The following ZBBX variants were observed in gnomAD, a reference collection of about 807,000 sequenced individuals.
ZBBX encodes the protein zinc finger B-box domain-containing protein 1.
Under a neutral mutation model 108.5 loss-of-function variants are expected in ZBBX, and 101 were observed. The observed-to-expected ratio is 0.93, with a 90% CI of 0.79 to 1.10. ZBBX has a LOEUF of 1.10. ZBBX is among the 50% of genes least tolerant of loss of function. The probability of loss-of-function intolerance (pLI) is 0.00; values close to 1 mark genes in which losing one functional copy is unlikely to be tolerated. For missense variants in ZBBX, 1,009 were observed against 941.4 expected (o/e 1.07, Z -0.94); for synonymous variants, 356 against 323.4 (o/e 1.10, Z -1.08).
the ZBBX span, among the ~76,000 whole-genome samples, chr3:167,207,731 T>C: frequency 0.018 from 2,808 of 152,114 alleles, 47 homozygotes; most frequent in Admixed American, 0.032. Flanking sequence ...AATAGAATAA[T>C]AGGAACCTGG....
At chr3:167,330,945 T>TCTCTCTCTCTC (rs1738465561) in intron 10 of ZBBX, among the ~76,000 whole-genome samples, 1 of 87,172 alleles carries the variant, frequency 1.1e-5, no homozygotes, top group Non-Finnish European at 2.2e-5. Context: ...CTCTCTTTCT[T>TCTCTCTCTCTC]TCTCTCTCTC....
the ZBBX span, among the ~76,000 whole-genome samples, chr3:167,228,322 C>G: frequency 1.3e-5 from 2 of 151,642 alleles, no homozygotes; most frequent in Non-Finnish European, 3.0e-5. Flanking sequence ...GTTTTTCCAC[C>G]GCAAAGTGCT....
chr3:167,271,635 G>A (rs1055146505), intron 20 of ZBBX, among the ~76,000 whole-genome samples: 1 of 152,114 alleles, frequency 6.6e-6, no homozygotes, highest in African/African-American at 2.4e-5. Flanking sequence ...GAGTTCATGG[G>A]TGTATAGGAA....
At chr3:167,388,837 C>T (rs1748001133) in intron 1 of ZBBX, among the ~76,000 whole-genome samples, 1 of 151,988 alleles carries the variant, frequency 6.6e-6, no homozygotes, top group Admixed American at 6.6e-5. Flanking sequence ...TGAAAGCACA[C>T]CCTTGTTTGT....
At position 167,305,828 on chromosome 3, in the gene ZBBX, C is replaced by A; in HGVS notation, c.1540G>T (p.Glu514Ter). The change falls in exon 17 of 22, where the codon GAA becomes TAA. Residue 514 changes from glutamate (E) to a stop codon, truncating the protein, a stop_gained. Transcript: ENST00000675490. LOFTEE classifies it high-confidence loss of function. ...RNLKEKNIGL[E>*]SNQKSDDSCV... The stretch of plus-strand genomic sequence containing the variant: ...GAATCATCAGACTTTTGATTACTTT[C>A]TAAACCTATATTTTTCTCCTTTAAA... The A allele has an allele frequency of 6.2e-7, 1 of 1,612,096 alleles. No individual in the cohort carries two copies. Among genetic ancestry groups the A allele is most frequent in the Admixed American group, 1.7e-5 (1 of 59,766 alleles).
intron 16 of ZBBX, among the ~76,000 whole-genome samples, chr3:167,307,686 C>T (rs1733887927): frequency 6.6e-6 from 1 of 152,140 alleles, no homozygotes; most frequent in Admixed American, 6.6e-5. Flanking sequence ...TGACCTTCAA[C>T]AAACCTGACA....
intron 20 of ZBBX, chr3:167,252,228 A>C (rs1221505178): frequency 7.9e-7 from 1 of 1,273,294 alleles, no homozygotes; most frequent in African/African-American, 1.5e-5. Flanking sequence ...ATAGCAGAAA[A>C]CAAGTCAGAG....
chr3:167,283,801 C>T (rs1417984688), intron 19 of ZBBX, among the ~76,000 whole-genome samples: 1 of 152,118 alleles, frequency 6.6e-6, no homozygotes, highest in Non-Finnish European at 1.5e-5. Context: ...TGCCACCACA[C>T]CCAGCTAATT....
intron 20 of ZBBX, among the ~76,000 whole-genome samples, chr3:167,275,669 G>A (rs1727425198): frequency 6.6e-6 from 1 of 152,214 alleles, no homozygotes; most frequent in Admixed American, 6.5e-5. Context: ...AGCAGTCTGA[G>A]ATCAAACTGC....
chr3:167,366,039 G>T, intron 5 of ZBBX, 63 bp from the exon 6 acceptor site: 3 of 1,255,488 alleles, frequency 2.4e-6, no homozygotes, highest in South Asian at 3.0e-5. Context: ...TTAATGAAAA[G>T]AAATACAGTG....
intron 12 of ZBBX, 75 bp downstream of exon 12, chr3:167,322,042 G>C (rs1736531976): frequency 2.3e-6 from 2 of 881,440 alleles, no homozygotes; most frequent in Non-Finnish European, 3.2e-6. Flanking sequence ...AATTGCTATA[G>C]GAAGGCATGT....
the ZBBX span, among the ~76,000 whole-genome samples, chr3:167,179,037 T>C: frequency 6.6e-5 from 10 of 151,796 alleles, no homozygotes; most frequent in East Asian, 1.8e-3. Flanking sequence ...CCTGGGGCAT[T>C]GTCCATTTTA....
At chr3:167,192,054 T>A in the ZBBX span, among the ~76,000 whole-genome samples, 1 of 151,582 alleles carries the variant, frequency 6.6e-6, no homozygotes, top group Non-Finnish European at 1.5e-5. Context: ...ATTTTTATAT[T>A]GCTTGTCTCT....
intron 12 of ZBBX, among the ~76,000 whole-genome samples, chr3:167,320,391 T>A (rs1030965344): frequency 1.4e-4 from 22 of 151,786 alleles, no homozygotes; most frequent in African/African-American, 4.4e-4. Context: ...AAAATAAATA[T>A]TCATGAGTTG....
intron 14 of ZBBX, among the ~76,000 whole-genome samples, chr3:167,316,473 C>G (rs534272151): frequency 6.6e-6 from 1 of 152,054 alleles, no homozygotes; most frequent in African/African-American, 2.4e-5. Context: ...GTCCAGAGCT[C>G]TAGCTCTGAC....
At chr3:167,272,514 G>A (rs549078444) in intron 20 of ZBBX, among the ~76,000 whole-genome samples, 26 of 152,206 alleles carry the variant, frequency 1.7e-4, no homozygotes, top group African/African-American at 5.5e-4. Flanking sequence ...AGAAAGCACC[G>A]TCCACCCCGA....
intron 10 of ZBBX, among the ~76,000 whole-genome samples, chr3:167,330,871 G>GAGGAGA (rs1423113017): frequency 1.4e-4 from 6 of 43,918 alleles, no homozygotes; most frequent in African/African-American, 2.4e-4. Context: ...GGAGGAGGAG[G>GAGGAGA]AGAAGAAGAA....
At chr3:167,321,110 G>C (rs900498300) in intron 12 of ZBBX, among the ~76,000 whole-genome samples, 1 of 151,958 alleles carries the variant, frequency 6.6e-6, no homozygotes, top group Non-Finnish European at 1.5e-5. Context: ...TACCATTAGA[G>C]AAAGCTGAGT....
At chr3:167,282,932 A>G (rs7641073) in intron 19 of ZBBX, among the ~76,000 whole-genome samples, 75,598 of 152,004 alleles carry the variant, frequency 0.5, 19,594 homozygotes, top group African/African-American at 0.66. Flanking sequence ...ACTTCCTAGT[A>G]AACCAATTTT....
Sources: allele counts gnomAD v4.1 joint callset (sites outside exome capture counted in the v4.1 genomes callset), GRCh38; gene constraint gnomAD v4.1.1; transcripts MANE v1.5; gene names NCBI Gene and HGNC (gene_info 2026-07-23, HGNC 2026-07-21).